Variants in CALD1 observed in about 807,000 individuals in gnomAD.
CALD1 encodes caldesmon 1.
In CALD1, 33 loss-of-function variants were observed where a neutral mutation model predicts 99.9. That is an observed-to-expected ratio of 0.33 (90% CI 0.25 to 0.44). The LOEUF (loss-of-function observed/expected upper bound fraction) is 0.44. Ranked by LOEUF, CALD1 falls within the 20% of genes least tolerant of loss-of-function variation. The probability of loss-of-function intolerance (pLI) is 1.00; values close to 1 mark genes in which losing one functional copy is unlikely to be tolerated. For missense variants in CALD1, 861 were observed against 962.1 expected (o/e 0.89, Z 1.39); for synonymous variants, 310 against 325.0 (o/e 0.95, Z 0.50).
chr7:134,819,395 A>G (rs1798683555), intron 1 of CALD1, among the ~76,000 whole-genome samples: 1 of 152,186 alleles, frequency 6.6e-6, no homozygotes, highest in Admixed American at 6.5e-5. Flanking sequence ...ACCACATTGT[A>G]ATATTTAATA....
chr7:134,867,534 C>A (rs540819291), intron 2 of CALD1, among the ~76,000 whole-genome samples, 159 bp from the exon 3 acceptor site: 3 of 152,136 alleles, frequency 2.0e-5, no homozygotes, highest in Non-Finnish European at 4.4e-5. Context: ...GAATTTAACT[C>A]GGCTCAGGAG....
chr7:134,764,867 A>C (rs1274650513), intron 1 of CALD1, among the ~76,000 whole-genome samples: 2 of 152,142 alleles, frequency 1.3e-5, no homozygotes, highest in African/African-American at 4.8e-5. Context: ...GAGGTAAGAG[A>C]GGGAGAAAGT....
At chr7:134,717,668 T>C in the CALD1 span, among the ~76,000 whole-genome samples, 1 of 152,130 alleles carries the variant, frequency 6.6e-6, no homozygotes, top group Middle Eastern at 3.4e-3. Context: ...AAGTGAGGAG[T>C]TTGACTCCAT....
intron 2 of CALD1, among the ~76,000 whole-genome samples, chr7:134,844,606 T>A (rs1460960306): frequency 6.6e-6 from 1 of 152,210 alleles, no homozygotes; most frequent in African/African-American, 2.4e-5. Flanking sequence ...CAAAATTCTA[T>A]CTGTTGCCCC....
rs11458080 is a variant in CALD1, at chr7:134,919,800, A to AT, written c.72-8946dup. Among the ~76,000 whole-genome samples the AT allele has an allele frequency of 5.6e-3, 854 of 152,086 alleles. 9 individuals carry two copies. Among genetic ancestry groups the AT allele is most frequent in the African/African-American group, 0.019 (807 of 41,486 alleles). ...AATAATACAGCACTTTTCCATGAAAATTTTTTTTCTTCTAAACCAAGAGGG... is the reference window on the plus strand; with the variant it reads ...AATAATACAGCACTTTTCCATGAAAATTTTTTTTTCTTCTAAACCAAGAGGG... On this transcript the variant is annotated intron_variant, in intron 3 of 14. Transcript: ENST00000361675.
At chr7:134,744,098 T>C (rs1796613871), upstream of CALD1, among the ~76,000 whole-genome samples, 1 of 152,220 alleles carries the variant, frequency 6.6e-6, no homozygotes, top group Non-Finnish European at 1.5e-5. Flanking sequence ...GGAGAGAAGA[T>C]GCAAGAACAG....
At chr7:134,893,016 G>T (rs956496530) in intron 3 of CALD1, among the ~76,000 whole-genome samples, 4 of 152,152 alleles carry the variant, frequency 2.6e-5, no homozygotes, top group African/African-American at 9.7e-5. Context: ...CTTGCCCAGG[G>T]TCACACAGCT....
the CALD1 span, among the ~76,000 whole-genome samples, chr7:134,714,371 C>T: frequency 6.6e-5 from 10 of 152,292 alleles, no homozygotes; most frequent in Non-Finnish European, 1.2e-4. Context: ...ACCTCCCAGC[C>T]GACTTGTCCT....
chr7:134,925,266 G>A (rs906499533), intron 3 of CALD1, among the ~76,000 whole-genome samples: 2 of 152,084 alleles, frequency 1.3e-5, no homozygotes, highest in African/African-American at 4.8e-5. Context: ...TGTGGCCTAC[G>A]TGGCAAATCT....
chr7:134,711,662 A>C, the CALD1 span, among the ~76,000 whole-genome samples: 39,952 of 78,670 alleles, frequency 0.51, 6,845 homozygotes, highest in South Asian at 0.57. Context: ...CTCTCTCTCT[A>C]TATATATATA....
chr7:134,947,393 G>A, intron 7 of CALD1, 115 bp from the exon 8 acceptor site: 1 of 1,073,968 alleles, frequency 9.3e-7, no homozygotes, highest in Non-Finnish European at 1.3e-6. Flanking sequence ...CTGGGCTAAT[G>A]AGAGGCAGTG....
intron 3 of CALD1, among the ~76,000 whole-genome samples, chr7:134,887,868 GTGTC>G (rs1409116202): frequency 2.0e-5 from 3 of 151,632 alleles, no homozygotes; most frequent in Non-Finnish European, 4.4e-5. Flanking sequence ...GTGTGCATGT[GTGTC>G]TGTATGTGTG....
chr7:134,786,433 G>T (rs746920506), intron 1 of CALD1, among the ~76,000 whole-genome samples: 10 of 152,032 alleles, frequency 6.6e-5, no homozygotes, highest in Non-Finnish European at 1.2e-4. Flanking sequence ...GGAAATTTGG[G>T]ATCTTAAGTA....
the CALD1 span, among the ~76,000 whole-genome samples, chr7:134,715,951 T>C: frequency 1.3e-5 from 2 of 152,190 alleles, no homozygotes; most frequent in Non-Finnish European, 2.9e-5. Flanking sequence ...ACAATGGTAT[T>C]TTGTTTTATT....
At chr7:134,918,752 T>C (rs1472922018) in intron 3 of CALD1, among the ~76,000 whole-genome samples, 1 of 152,174 alleles carries the variant, frequency 6.6e-6, no homozygotes, top group Non-Finnish European at 1.5e-5. Context: ...ACCCAGAACT[T>C]TGGGAGGCCA....
intron 1 of CALD1, among the ~76,000 whole-genome samples, chr7:134,785,200 C>T (rs1412842814): frequency 6.6e-6 from 1 of 152,156 alleles, no homozygotes; most frequent in Non-Finnish European, 1.5e-5. Flanking sequence ...TGAATGATCA[C>T]ACAGTTCTTG....
chr7:134,951,861 A>C (rs1807364196), intron 9 of CALD1, among the ~76,000 whole-genome samples: 1 of 152,256 alleles, frequency 6.6e-6, no homozygotes, highest in African/African-American at 2.4e-5. Context: ...ACAGTGCCTT[A>C]CATCATATTG....
chr7:134,733,482 T>G, the CALD1 span, among the ~76,000 whole-genome samples: 2 of 152,276 alleles, frequency 1.3e-5, no homozygotes, highest in Middle Eastern at 3.4e-3. Context: ...CGTCTTTTTA[T>G]CCCCCACAAC....
At chr7:134,741,041 AC>A (rs1796587955), upstream of CALD1, among the ~76,000 whole-genome samples, 1 of 152,192 alleles carries the variant, frequency 6.6e-6, no homozygotes, top group Non-Finnish European at 1.5e-5. Context: ...GGGTCAGGGC[AC>A]AAAAATCAGT....
Sources: allele counts gnomAD v4.1 joint callset (sites outside exome capture counted in the v4.1 genomes callset), GRCh38; gene constraint gnomAD v4.1.1; transcripts MANE v1.5; gene names NCBI Gene and HGNC (gene_info 2026-07-23, HGNC 2026-07-21).